The following PHF21A variants were observed in gnomAD, a reference collection of about 807,000 sequenced individuals.
PHF21A encodes the protein BHC80a.
In PHF21A, 11 loss-of-function variants were observed where a neutral mutation model predicts 82.5. The observed-to-expected ratio is 0.13, with a 90% confidence interval of 0.08 to 0.22. The LOEUF (loss-of-function observed/expected upper bound fraction) is 0.22. PHF21A is among the 10% of genes least tolerant of loss of function. The pLI is 1.00. For synonymous variants in PHF21A, 297 were observed against 302.8 expected, an observed-to-expected ratio of 0.98 and a Z score of 0.20; for missense variants, 579 against 837.8, an observed-to-expected ratio of 0.69 and a Z score of 3.81.
At chr11:46,042,937 A>G (rs1420777090) in intron 6 of PHF21A, among the ~76,000 whole-genome samples, 1 of 152,096 alleles carries the variant, frequency 6.6e-6, no homozygotes, top group African/African-American at 2.4e-5. Flanking sequence ...ATCCAGTCTG[A>G]GGTATTTTGT....
chr11:46,114,781 T>C (rs530779897), intron 1 of PHF21A, among the ~76,000 whole-genome samples: 8 of 152,326 alleles, frequency 5.3e-5, no homozygotes, highest in African/African-American at 1.9e-4. Flanking sequence ...TGGTTAACAA[T>C]ACTTGGATCT....
At chr11:46,029,598 G>C (rs1474428939) in intron 6 of PHF21A, among the ~76,000 whole-genome samples, 2 of 149,042 alleles carry the variant, frequency 1.3e-5, no homozygotes, top group East Asian at 4.0e-4. Flanking sequence ...TGAGGCAGGA[G>C]AATCACTTGA....
Position 45,934,317 on chromosome 11 carries a change from G to A in PHF21A, c.1789-92C>T, listed in dbSNP as rs903753167. On this transcript the variant is annotated intron_variant, in intron 18 of 18. Coordinates refer to ENST00000676320, the MANE Select transcript of PHF21A (RefSeq NM_001352027.3). ...GAGCAGAGCGCCTTCTCTCTGCCCA[G>A]GGAGAAGAAGCTCTGCTGGCTGCTG... The A allele has an allele frequency of 5.7e-5, 73 of 1,287,718 alleles. No individual in the cohort carries two copies. The Admixed American group carries it at 1.5e-3, about 26-fold the overall frequency. 79.8% of individuals were successfully genotyped at this position (1,287,718 alleles called of 1,614,324 possible).
At chr11:46,084,100 G>C in intron 4 of PHF21A, 66 bp downstream of exon 4, 1 of 1,119,102 alleles carries the variant, frequency 8.9e-7, no homozygotes. Context: ...CACCAGAGAT[G>C]GACTTGTTTA....
chr11:45,953,859 C>G (rs544372949), intron 10 of PHF21A, among the ~76,000 whole-genome samples: 3 of 152,014 alleles, frequency 2.0e-5, no homozygotes, highest in South Asian at 2.1e-4. Flanking sequence ...TCTATAAATA[C>G]GAGTCTAAAT....
chr11:46,120,270 C>G lies in PHF21A; in HGVS notation c.-237+665G>C, dbSNP rs866110766. 4.1e-5 allele frequency: 6 copies of G among 146,344 alleles called. 1 individual carries two copies. The highest frequency in any genetic ancestry group is 1.5e-4 in the African/African-American group (6 of 40,564). 9.1% of individuals were successfully genotyped at this position (146,344 alleles called of 1,614,324 possible). On this transcript the variant is annotated intron_variant, in intron 1 of 18. Transcript: ENST00000676320. The stretch of plus-strand genomic sequence containing the variant: ...AATTTTTTTTAATTAAATAAATAAT[C>G]ATAATAAAAACTTCCCCCCGACAGC...
At chr11:46,026,163 C>T (rs1349626277) in intron 6 of PHF21A, among the ~76,000 whole-genome samples, 4 of 152,078 alleles carry the variant, frequency 2.6e-5, no homozygotes, top group South Asian at 4.1e-4. Context: ...TCCAAAACTT[C>T]GTTATATTTG....
intron 6 of PHF21A, among the ~76,000 whole-genome samples, chr11:46,031,045 AGG>A (rs1214987768): frequency 6.6e-6 from 1 of 152,212 alleles, no homozygotes; most frequent in Non-Finnish European, 1.5e-5. Flanking sequence ...GAACTTTTAC[AGG>A]AAATTCATGT....
At chr11:46,112,071 G>C (rs1018832584) in intron 1 of PHF21A, among the ~76,000 whole-genome samples, 4 of 152,120 alleles carry the variant, frequency 2.6e-5, no homozygotes, top group Non-Finnish European at 5.9e-5. Context: ...TCAACCAAAG[G>C]CTTGTGGTAT....
At chr11:46,078,088 T>C (rs1454338065) in intron 5 of PHF21A, among the ~76,000 whole-genome samples, 1 of 151,782 alleles carries the variant, frequency 6.6e-6, no homozygotes, top group Non-Finnish European at 1.5e-5. Flanking sequence ...AATTTTTGTA[T>C]CTAAATCCAA....
At chr11:46,058,331 T>C (rs984385828) in intron 6 of PHF21A, among the ~76,000 whole-genome samples, 14 of 152,322 alleles carry the variant, frequency 9.2e-5, no homozygotes, top group African/African-American at 1.9e-4. Context: ...CTGTGTCACA[T>C]TGTTGGTAAA....
chr11:46,033,911 T>C (rs1454137912), intron 6 of PHF21A, among the ~76,000 whole-genome samples: 2 of 152,358 alleles, frequency 1.3e-5, no homozygotes, highest in African/African-American at 4.8e-5. Flanking sequence ...TCATAAAGTA[T>C]ACACATCTTC....
chr11:46,035,942 A>G (rs1018858232), intron 6 of PHF21A, among the ~76,000 whole-genome samples: 2 of 152,220 alleles, frequency 1.3e-5, no homozygotes, highest in African/African-American at 2.4e-5. Context: ...GCAACCATTT[A>G]AATTTGCATT....
At chr11:45,977,095 G>C (rs79942790) in intron 7 of PHF21A, among the ~76,000 whole-genome samples, 1 of 151,856 alleles carries the variant, frequency 6.6e-6, no homozygotes, top group African/African-American at 2.4e-5. Flanking sequence ...CAGACTACCA[G>C]GGAAAGGAAA....
At chr11:46,050,701 A>G (rs2096348068) in intron 6 of PHF21A, among the ~76,000 whole-genome samples, 1 of 152,220 alleles carries the variant, frequency 6.6e-6, no homozygotes, top group Non-Finnish European at 1.5e-5. Context: ...AATTACTTCA[A>G]TTTGATGGAG....
chr11:46,050,432 T>C (rs1490139874), intron 6 of PHF21A, among the ~76,000 whole-genome samples: 1 of 152,148 alleles, frequency 6.6e-6, no homozygotes, highest in Admixed American at 6.5e-5. Context: ...AGAGCTGGCT[T>C]TTGAGAGGCC....
At chr11:45,969,057 A>C (rs773998675) in intron 9 of PHF21A, among the ~76,000 whole-genome samples, 4 of 151,906 alleles carry the variant, frequency 2.6e-5, no homozygotes, top group Non-Finnish European at 5.9e-5. Flanking sequence ...TCATATTAGC[A>C]CTGCCCATCC....
At chr11:45,946,055 G>A (rs2091244914) in intron 14 of PHF21A, 52 bp from the exon 15 acceptor site, 1 of 1,613,338 alleles carries the variant, frequency 6.2e-7, no homozygotes, top group Non-Finnish European at 8.5e-7. Flanking sequence ...GGAAAGAGAG[G>A]GGGAAAATGA....
intron 6 of PHF21A, among the ~76,000 whole-genome samples, chr11:46,011,857 CAACAA>C (rs1265678720): frequency 1.3e-5 from 2 of 152,124 alleles, no homozygotes; most frequent in East Asian, 1.9e-4. Flanking sequence ...CTATGCAACA[CAACAA>C]AACAAAAAGA....
Sources: gnomAD v4.1 joint callset for allele counts (sites outside exome capture counted in the v4.1 genomes callset) on GRCh38, gnomAD v4.1.1 for gene constraint, MANE v1.5 for transcripts, NCBI Gene and HGNC (gene_info 2026-07-23, HGNC 2026-07-21) for gene names.